HGS: variants seen among roughly 807,000 people sequenced by gnomAD.
The protein encoded by HGS is human growth factor-regulated tyrosine kinase substrate.
In HGS, 63 loss-of-function variants were observed where a neutral mutation model predicts 109.7. The ratio of observed to expected loss-of-function variants is 0.57; its 90% confidence interval spans 0.47 to 0.71. The LOEUF (loss-of-function observed/expected upper bound fraction) is 0.71. Among genes scored for constraint, HGS ranks in the 30% least tolerant of loss-of-function variants. The pLI is 0.00. For missense variants in HGS, 995 were observed against 1,068.3 expected, an observed-to-expected ratio of 0.93 and a Z score of 0.96; for synonymous variants, 546 against 437.3, an observed-to-expected ratio of 1.25 and a Z score of -3.10.
At chr17:81,695,124 C>T (rs371227886) in intron 13 of HGS, 40 bp from the exon 14 acceptor site, 97 of 1,613,176 alleles carry the variant, frequency 6.0e-5, no homozygotes, top group Non-Finnish European at 7.5e-5. Flanking sequence ...GGGGTGGATG[C>T]GGGACAGGTT....
Position 81,700,587 on chromosome 17 carries a change from C to T in HGS, c.2003C>T (p.Thr668Ile). The T allele has an allele frequency of 6.2e-7, 1 of 1,606,440 alleles. No individual in the cohort carries two copies. Among genetic ancestry groups the T allele is most frequent in the Non-Finnish European group, 8.5e-7 (1 of 1,175,848 alleles). The change falls in exon 19 of 22, where the codon ACA becomes ATA. Residue 668 changes from threonine to isoleucine, a missense_variant. This residue lies in a region of HGS where 326 missense variants were observed against 309.7 expected (regional missense o/e 1.05). Coordinates refer to ENST00000329138, the MANE Select transcript of HGS (RefSeq NM_004712.5). ...TACTCATCCTACCAGCCTACTCCCA[C>T]AGCGGGCTACCAGGTACACAGGAAG... is the stretch of plus-strand genomic sequence containing the variant. ...PAYSSYQPTP[T>I]AGYQNVASQA... is the part of the protein sequence containing the mutation.
Position 81,700,404 on chromosome 17 carries a change from G to T in HGS, c.1883-63G>T, listed in dbSNP as rs374512330. 85 of 1,447,760 alleles carry T rather than the reference G, an allele frequency of 5.9e-5. 1 individual carries two copies. In the South Asian group the frequency reaches 9.2e-4, roughly 16 times the overall value. The allele number at this position is 1,447,760 out of a possible 1,614,324, so 89.7% of individuals were successfully genotyped here. ...AAAAAAAGTAAAACTCAAGAGTAGG[G>T]TGTCCCTTCCTCTCCTCCCTGTTGC... On this transcript the variant is annotated intron_variant, in intron 18 of 21. Transcript: ENST00000329138.
chr17:81,685,128 T>C (rs2036954961), intron 1 of HGS: 1 of 951,724 alleles, frequency 1.1e-6, no homozygotes. Flanking sequence ...AGCACTTGGC[T>C]TGGAGCAAGG....
At chr17:81,695,120 G>A in intron 13 of HGS, 44 bp from the exon 14 acceptor site, 1 of 1,613,330 alleles carries the variant, frequency 6.2e-7, no homozygotes, top group Non-Finnish European at 8.5e-7. Flanking sequence ...GGAAGGGGTG[G>A]ATGCGGGACA....
At chr17:81,689,674 C>T (rs2037034743) in intron 5 of HGS, among the ~76,000 whole-genome samples, 1 of 152,140 alleles carries the variant, frequency 6.6e-6, no homozygotes, top group African/African-American at 2.4e-5. Context: ...GCAGGGTGGG[C>T]AGGACCAGTG....
chr17:81,701,634 C>T lies in HGS; in HGVS notation c.*16C>T, dbSNP rs1128805. ...ATTCGACTGACCCAGGCCATGCTCA[C>T]GTCCGGAGTAACACTACATACAGTT... On this transcript the variant is annotated 3_prime_UTR_variant, in exon 22 of 22. Coordinates refer to ENST00000329138, the MANE Select transcript of HGS (RefSeq NM_004712.5). 0.066 allele frequency: 102,223 copies of T among 1,544,370 alleles called. 4,402 individuals are homozygous for T. The highest frequency in any genetic ancestry group is 0.26 in the East Asian group (10,787 of 41,300).
intron 1 of HGS, chr17:81,685,080 G>A: frequency 3.0e-6 from 3 of 985,256 alleles, no homozygotes; most frequent in South Asian, 4.7e-5. Flanking sequence ...GTATGCTGGC[G>A]AGTCCTCCTT....
At position 81,690,757 on chromosome 17, in the gene HGS, G is replaced by C. The variant is rs527365594; in HGVS notation, c.537+15G>C. On this transcript the variant is annotated intron_variant, in intron 7 of 21. Coordinates refer to ENST00000329138, the MANE Select transcript of HGS (RefSeq NM_004712.5). ...TGACCCGTAAGGTGAGTTCCCACCT[G>C]GGGGGCTCTACAGCCCCGGCCAGAC... The C allele has an allele frequency of 1.9e-5, 30 of 1,609,012 alleles. No individual in the cohort carries two copies. In the African/African-American group the frequency reaches 2.5e-4, roughly 14 times the overall value.
chr17:81,696,988 C>T lies in HGS; in HGVS notation c.1872C>T (p.Ser624=), dbSNP rs2037161869. 6.3e-7 allele frequency: 1 copy of T among 1,588,162 alleles called. No homozygotes were observed. Among genetic ancestry groups the T allele is most frequent in the Non-Finnish European group, 8.5e-7 (1 of 1,170,166 alleles). The change falls in exon 18 of 22, where the codon AGC becomes AGT. Residue 624 remains serine (S), a synonymous_variant. Transcript: ENST00000329138. ...CTGGCCCCTACCCCAGCATGCCCAG[C>T]ACTGCGGCTGGTAAGGACGGGTCGG... The part of the protein sequence containing the change: ...PAAGPYPSMP[S]TAADPSMVSA...
At chr17:81,685,479 C>T (rs1293581741) in intron 1 of HGS, 126 bp from the exon 2 acceptor site, 46 of 606,032 alleles carry the variant, frequency 7.6e-5, no homozygotes, top group Non-Finnish European at 8.3e-5. Context: ...TTCTGTCATG[C>T]TTTTTCATTT....
At chr17:81,690,135 T>C (rs1419381165) in intron 5 of HGS, 47 bp from the exon 6 acceptor site, 1 of 1,593,252 alleles carries the variant, frequency 6.3e-7, no homozygotes, top group East Asian at 2.3e-5. Context: ...CCGGAAGTCT[T>C]GCAGGCCAGG....
intron 1 of HGS, 101 bp downstream of exon 1, chr17:81,684,204 C>A: frequency 3.8e-6 from 4 of 1,056,148 alleles, no homozygotes; most frequent in Non-Finnish European, 2.5e-6. Flanking sequence ...GCGGACCGGC[C>A]GCCCTGCCCG....
intron 1 of HGS, among the ~76,000 whole-genome samples, 182 bp from the exon 2 acceptor site, chr17:81,685,423 C>G (rs2036963108): frequency 6.6e-6 from 1 of 152,154 alleles, no homozygotes; most frequent in African/African-American, 2.4e-5. Flanking sequence ...TTGCTGCTTC[C>G]CTGGGGAGGA....
At position 81,691,174 on chromosome 17, in the gene HGS, T is replaced by C. The variant is rs899687862; in HGVS notation, c.538-273T>C. ...CAGCACCCACTGCACTCACAAAAGCTCTTGTTTTATCAGCAGAATTGATGT... is the reference window on the plus strand; with the variant it reads ...CAGCACCCACTGCACTCACAAAAGCCCTTGTTTTATCAGCAGAATTGATGT... On this transcript the variant is annotated intron_variant, in intron 7 of 21. Transcript: ENST00000329138. The surrounding 1 kb of genome is among the most constrained non-coding windows in gnomAD (Gnocchi z 5.3). 1.0e-5 allele frequency: 5 copies of C among 484,312 alleles called. No homozygotes were observed. The highest frequency in any genetic ancestry group is 1.9e-5 in the Non-Finnish European group (5 of 265,342). The allele number at this position is 484,312 out of a possible 1,614,324, so 30.0% of individuals were successfully genotyped here. A position where few individuals can be genotyped will look rare whatever the true frequency, so the allele number is the denominator to read the frequency against.
intron 3 of HGS, 122 bp downstream of exon 3, chr17:81,686,509 G>C: frequency 1.4e-6 from 1 of 699,180 alleles, no homozygotes; most frequent in Non-Finnish European, 2.5e-6. Context: ...AAGCAGGAGA[G>C]TTTCCACTCA....
At chr17:81,684,888 A>C (rs1425162140) in intron 1 of HGS, 2 of 985,020 alleles carry the variant, frequency 2.0e-6, no homozygotes, top group East Asian at 1.1e-4. Context: ...TCTCAGCCAC[A>C]CAGGTAGTTC....
chr17:81,688,733 G>A lies in HGS; in HGVS notation c.321G>A (p.Lys107=), dbSNP rs1394552397. 2 of 1,614,114 alleles carry A rather than the reference G, an allele frequency of 1.2e-6. No homozygotes were observed. The highest frequency in any genetic ancestry group is 1.7e-6 in the Non-Finnish European group (2 of 1,179,990). ...AAGTGGAGGTAAACGTCCGTAACAA[G>A]ATCCTGTACCTGATCCAGGCCTGGG... The part of the protein sequence containing the change: ...KRQVEVNVRN[K]ILYLIQAWAH... Residue 107 remains lysine (K), a synonymous_variant, in exon 5 of 22, where the codon AAG becomes AAA. Coordinates refer to ENST00000329138, the MANE Select transcript of HGS (RefSeq NM_004712.5).
At chr17:81,693,478 C>T in intron 8 of HGS, 25 bp from the exon 9 acceptor site, 1 of 1,593,724 alleles carries the variant, frequency 6.3e-7, no homozygotes, top group East Asian at 2.2e-5. Flanking sequence ...CGCATGGTGA[C>T]CTGCAGCATT....
Position 81,701,505 on chromosome 17 carries a change from C to G in HGS, c.2224-3C>G, listed in dbSNP as rs1339738688. ...GGGCCATGCCTGCTTTCCTCCTGCA[C>G]AGATGGCACCCTCTGGCGGTCCCCC... On this transcript the variant is annotated splice_polypyrimidine_tract_variant and splice_region_variant and intron_variant, in intron 21 of 21. Transcript: ENST00000329138. 6.4e-7 allele frequency: 1 copy of G among 1,552,678 alleles called. No individual in the cohort carries two copies. The highest frequency in any genetic ancestry group is 1.8e-5 in the Admixed American group (1 of 54,158).
Sources: gnomAD v4.1 joint callset for allele counts (sites outside exome capture counted in the v4.1 genomes callset) on GRCh38, gnomAD v4.1.1 for gene constraint, gnomAD v4.1.1 regional missense constraint, Gnocchi (gnomAD v3.1) non-coding constraint, MANE v1.5 for transcripts, NCBI Gene and HGNC (gene_info 2026-07-23, HGNC 2026-07-21) for gene names.